Variants in L3MBTL1 observed in about 807,000 individuals in gnomAD.
The protein encoded by L3MBTL1 is L3MBTL histone methyl-lysine binding protein 1, also known as lethal(3)malignant brain tumor-like protein 1.
A neutral mutation model predicts 105.3 loss-of-function variants in L3MBTL1; 75 were observed. The ratio of observed to expected loss-of-function variants is 0.71; its 90% CI spans 0.59 to 0.86. L3MBTL1 has a LOEUF of 0.86. Among genes scored for constraint, L3MBTL1 ranks in the 40% least tolerant of loss-of-function variants. L3MBTL1 has a pLI of 0.00. For synonymous variants in L3MBTL1, 452 were observed against 436.2 expected, an observed-to-expected ratio of 1.04 and a Z score of -0.45; for missense variants, 1,069 against 1,126.4, an observed-to-expected ratio of 0.95 and a Z score of 0.73.
Position 43,540,918 on chromosome 20 carries a change from C to T in L3MBTL1, c.2395-16C>T, listed in dbSNP as rs752223331. 50 of 1,613,452 alleles carry T rather than the reference C, an allele frequency of 3.1e-5. No homozygotes were observed. Among genetic ancestry groups the T allele is most frequent in the Non-Finnish European group, 3.5e-5 (41 of 1,179,718 alleles). ...GCGTCACTTCTGCTAAGGAGGGACC[C>T]GTGTTGCCCCACCAGGCAAGAATAG... is the stretch of plus-strand genomic sequence containing the variant. On this transcript the variant is annotated splice_polypyrimidine_tract_variant and intron_variant, in intron 21 of 21. Transcript: ENST00000418998.
chr20:43,528,776 C>T (rs747336896), intron 8 of L3MBTL1, 31 bp downstream of exon 8: 2 of 1,536,450 alleles, frequency 1.3e-6, no homozygotes, highest in Admixed American at 1.7e-5. Context: ...GTAGGAACAG[C>T]TTGTCTTCCT....
intron 10 of L3MBTL1, 94 bp downstream of exon 10, chr20:43,530,513 T>G: frequency 7.1e-7 from 1 of 1,399,160 alleles, no homozygotes; most frequent in Non-Finnish European, 9.8e-7. Context: ...TCTTTTGTTT[T>G]CTGACCCTGT....
At chr20:43,521,965 A>G (rs2018733790) in intron 7 of L3MBTL1, among the ~76,000 whole-genome samples, 1 of 152,238 alleles carries the variant, frequency 6.6e-6, no homozygotes, top group African/African-American at 2.4e-5. Flanking sequence ...AAATATCATA[A>G]GAGATTTTCT....
At chr20:43,548,008 TC>T in intron 18 of L3MBTL1, 1 of 606,696 alleles carries the variant, frequency 1.6e-6, no homozygotes. Context: ...TTACTCCTAC[TC>T]CCCTCCCCCA....
chr20:43,530,883 G>T lies in L3MBTL1; in HGVS notation c.1278G>T (p.Gln426His). The change falls in exon 11 of 22, where the codon CAG becomes CAT. Residue 426 changes from glutamine to histidine, a missense_variant. Physicochemically the swap from Gln to His is conservative, Grantham distance 24. Coordinates refer to ENST00000418998, the MANE Select transcript of L3MBTL1 (RefSeq NM_001377303.1). ...QAAPKHLFVS[Q>H]SHSPPPLGFQ... is the part of the protein sequence containing the mutation. Reference sequence around the variant, plus strand: ...CCCCCAAGCACCTGTTTGTGAGCCAGAGCCACGTGAGTGCCCCTGAGTGAG... The same window carrying T: ...CCCCCAAGCACCTGTTTGTGAGCCATAGCCACGTGAGTGCCCCTGAGTGAG... The T allele has an allele frequency of 1.9e-6, 3 of 1,613,346 alleles. No homozygotes were observed. Among genetic ancestry groups the T allele is most frequent in the Non-Finnish European group, 2.5e-6 (3 of 1,179,588 alleles).
chr20:43,511,286 T>A (rs1242983420), intron 1 of L3MBTL1, among the ~76,000 whole-genome samples: 1 of 152,224 alleles, frequency 6.6e-6, no homozygotes, highest in Non-Finnish European at 1.5e-5. Context: ...AAGCACCTAC[T>A]ATGTGCCAGG....
At chr20:43,525,853 A>G (rs1211406644) in intron 7 of L3MBTL1, among the ~76,000 whole-genome samples, 2 of 152,184 alleles carry the variant, frequency 1.3e-5, no homozygotes, top group African/African-American at 2.4e-5. Flanking sequence ...TGTACCCCCA[A>G]TTTCTAGTAC....
intron 11 of L3MBTL1, chr20:43,532,513 T>C (rs963489683): frequency 4.8e-6 from 2 of 419,744 alleles, no homozygotes; most frequent in Admixed American, 4.0e-5. Context: ...GGCGAACGCA[T>C]AGCCTCCTTC....
Position 43,535,080 on chromosome 20 carries a change from C to T in L3MBTL1, c.1825+138C>T. Reference sequence around the variant, plus strand: ...TGATGCCTACCATGAGTTCCAGAATCCCCCATCTGCCCCACCCCCGGACCA... The same window carrying T: ...TGATGCCTACCATGAGTTCCAGAATTCCCCATCTGCCCCACCCCCGGACCA... On this transcript the variant is annotated intron_variant, in intron 16 of 21. Coordinates refer to ENST00000418998, the MANE Select transcript of L3MBTL1 (RefSeq NM_001377303.1). The T allele has an allele frequency of 1.3e-5, 8 of 608,932 alleles. No homozygotes were observed. The South Asian group carries it at 1.4e-4, about 11-fold the overall frequency. The allele number at this position is 608,932 out of a possible 1,614,324, so 37.7% of individuals were successfully genotyped here.
At chr20:43,544,198 T>G (rs1301635019), downstream of L3MBTL1, among the ~76,000 whole-genome samples, 2 of 152,238 alleles carry the variant, frequency 1.3e-5, no homozygotes, top group African/African-American at 2.4e-5. Context: ...AGACCACACC[T>G]TTCTGCTGTG....
At chr20:43,508,695 A>G (rs2018051996) in intron 1 of L3MBTL1, among the ~76,000 whole-genome samples, 1 of 152,244 alleles carries the variant, frequency 6.6e-6, no homozygotes, top group African/African-American at 2.4e-5. Context: ...GTCCCCCGAA[A>G]CAGACTCCGA....
chr20:43,542,281 C>T (rs764000381), downstream of L3MBTL1, among the ~76,000 whole-genome samples: 2 of 152,186 alleles, frequency 1.3e-5, no homozygotes, highest in African/African-American at 2.4e-5. Context: ...CCAGCACAGC[C>T]AGTTTCCTCC....
At chr20:43,534,460 T>C (rs1391141408) in intron 15 of L3MBTL1, 66 bp downstream of exon 15, 1 of 1,291,272 alleles carries the variant, frequency 7.7e-7, no homozygotes, top group East Asian at 2.3e-5. Flanking sequence ...GTAGACTGTT[T>C]AGAGGTCAGG....
chr20:43,522,816 C>G (rs1020073840), intron 7 of L3MBTL1, among the ~76,000 whole-genome samples: 2 of 134,296 alleles, frequency 1.5e-5, no homozygotes, highest in Non-Finnish European at 3.1e-5. Flanking sequence ...AGTAAAATGT[C>G]AGATGGCCGG....
At position 43,534,302 on chromosome 20, in the gene L3MBTL1, C is replaced by T. The variant is rs779461405; in HGVS notation, c.1618C>T (p.Leu540=). 1.2e-6 allele frequency: 2 copies of T among 1,613,948 alleles called. No homozygotes were observed. The highest frequency in any genetic ancestry group is 2.2e-5 in the East Asian group (1 of 44,878). The change falls in exon 15 of 22, where the codon CTG becomes TTG. Residue 540 remains leucine, a synonymous_variant. Transcript: ENST00000418998. ...AFKVRPPHSF[L]VNMKLEAVDR... ...TCTGCAGCGACCCCCTCACAGCTTC[C>T]TGGTCAATATGAAGCTGGAGGCTGT...
intron 7 of L3MBTL1, among the ~76,000 whole-genome samples, chr20:43,522,169 A>C (rs1268991112): frequency 6.6e-6 from 1 of 152,172 alleles, no homozygotes; most frequent in Non-Finnish European, 1.5e-5. Context: ...ATCCTGGCCA[A>C]CATGGTGAAA....
In L3MBTL1 at chr20:43,540,311, G is replaced by A. The variant is rs1158372366; in HGVS notation, c.2331+3G>A. 1 of 1,612,970 alleles carries A rather than the reference G, an allele frequency of 6.2e-7. No homozygotes were observed. Among genetic ancestry groups the A allele is most frequent in the South Asian group, 1.1e-5 (1 of 91,080 alleles). The stretch of plus-strand genomic sequence containing the variant: ...TCGCCAAGTGGACCATCGATGAGGT[G>A]AGGAGCGAGGGCCCTTCTTTATCCT... On this transcript the variant is annotated splice_donor_region_variant and intron_variant, in intron 20 of 21. Coordinates refer to ENST00000418998, the MANE Select transcript of L3MBTL1 (RefSeq NM_001377303.1).
chr20:43,532,460 G>C (rs1320578982), intron 11 of L3MBTL1: 5 of 270,772 alleles, frequency 1.8e-5, no homozygotes, highest in South Asian at 9.8e-5. Flanking sequence ...GGAAGGGCTT[G>C]TCTGGGTAGG....
At chr20:43,545,974 C>T (rs560831464), downstream of L3MBTL1, among the ~76,000 whole-genome samples, 11 of 152,354 alleles carry the variant, frequency 7.2e-5, no homozygotes, top group Admixed American at 6.5e-4. Context: ...GAGATCCTTT[C>T]ATTCATTCTT....
Sources: gnomAD v4.1 joint callset for allele counts (sites outside exome capture counted in the v4.1 genomes callset) on GRCh38, gnomAD v4.1.1 for gene constraint, MANE v1.5 for transcripts, NCBI Gene and HGNC (gene_info 2026-07-23, HGNC 2026-07-21) for gene names.